DAB1: variants seen among roughly 807,000 people sequenced by gnomAD.
The protein encoded by DAB1 is disabled homolog 1.
A neutral mutation model predicts 64.6 loss-of-function variants in DAB1; 15 were observed. The observed-to-expected ratio is 0.23, with a 90% CI of 0.16 to 0.36. The LOEUF (loss-of-function observed/expected upper bound fraction) is 0.36. Ranked by LOEUF, DAB1 falls within the 10% of genes least tolerant of loss-of-function variation. The pLI is 1.00. For missense variants in DAB1, 596 were observed against 706.7 expected, an observed-to-expected ratio of 0.84 and a Z score of 1.78; for synonymous variants, 235 against 251.9, an observed-to-expected ratio of 0.93 and a Z score of 0.64.
intron 7 of DAB1, among the ~76,000 whole-genome samples, chr1:57,495,706 G>A (rs1366857492): frequency 6.6e-6 from 1 of 152,182 alleles, no homozygotes; most frequent in African/African-American, 2.4e-5. Context: ...AGGAGAGGGA[G>A]ATGATAACCC....
chr1:57,048,109 G>A (rs537436471), intron 9 of DAB1, among the ~76,000 whole-genome samples: 6 of 152,264 alleles, frequency 3.9e-5, no homozygotes, highest in Admixed American at 1.3e-4. Flanking sequence ...TCATTTTACA[G>A]ATGAATACAC....
At chr1:58,074,880 G>A (rs1649543757) in intron 5 of DAB1, among the ~76,000 whole-genome samples, 1 of 152,082 alleles carries the variant, frequency 6.6e-6, no homozygotes, top group Admixed American at 6.6e-5. Flanking sequence ...TATGCTACGT[G>A]CCTGTCATCT....
chr1:58,396,665 A>C (rs1461503961), intron 3 of DAB1, among the ~76,000 whole-genome samples: 1 of 152,132 alleles, frequency 6.6e-6, no homozygotes, highest in Non-Finnish European at 1.5e-5. Context: ...AGAGGGAAGC[A>C]AAGAGAGACA....
At chr1:57,853,736 A>G (rs1284019538) in intron 1 of DAB1, among the ~76,000 whole-genome samples, 1 of 152,218 alleles carries the variant, frequency 6.6e-6, no homozygotes, top group Non-Finnish European at 1.5e-5. Context: ...AAGCAACAAG[A>G]TAATAACCTC....
At chr1:57,819,745 G>A (rs1413934654) in intron 6 of DAB1, among the ~76,000 whole-genome samples, 2 of 152,056 alleles carry the variant, frequency 1.3e-5, no homozygotes, top group African/African-American at 4.8e-5. Flanking sequence ...GAACTGTCAT[G>A]CTGCTTTGAA....
At chr1:57,086,841 C>T (rs1051707204) in intron 4 of DAB1, among the ~76,000 whole-genome samples, 8 of 152,210 alleles carry the variant, frequency 5.3e-5, no homozygotes, top group South Asian at 2.1e-4. Flanking sequence ...TAACACCTGA[C>T]GGTGAAATTG....
chr1:57,574,362 G>A (rs999800231), intron 7 of DAB1, among the ~76,000 whole-genome samples: 6 of 152,152 alleles, frequency 3.9e-5, no homozygotes, highest in African/African-American at 1.4e-4. Context: ...GCAGGCCCTG[G>A]TCAAAGTGGA....
chr1:57,343,442 G>A lies in DAB1; in HGVS notation c.-136-52276C>T, dbSNP rs373684634. Among the ~76,000 whole-genome samples the A allele has an allele frequency of 1.9e-4, 29 of 152,350 alleles. No homozygotes were observed. In the East Asian group the frequency reaches 4.1e-3, roughly 21 times the overall value. On this transcript the variant is annotated intron_variant, in intron 1 of 14. Coordinates refer to ENST00000371236, the MANE Select transcript of DAB1 (RefSeq NM_001365792.1). Reference sequence around the variant, plus strand: ...TGGAGCTGCCTGCCAGTCCCGCACCGTGCGCCCGCACTCCTGAGCCCTTGG... The same window carrying A: ...TGGAGCTGCCTGCCAGTCCCGCACCATGCGCCCGCACTCCTGAGCCCTTGG...
chr1:58,034,856 A>G (rs1339850599), intron 5 of DAB1, among the ~76,000 whole-genome samples: 1 of 152,170 alleles, frequency 6.6e-6, no homozygotes, highest in Non-Finnish European at 1.5e-5. Context: ...TCATTTACTG[A>G]GCATGATGGA....
intron 1 of DAB1, among the ~76,000 whole-genome samples, chr1:57,397,401 T>C (rs1309604941): frequency 6.6e-6 from 1 of 152,234 alleles, no homozygotes; most frequent in Admixed American, 6.5e-5. Context: ...CTATTATTTT[T>C]ATAATTTTTT....
At chr1:58,514,690 C>T (rs894701606) in intron 2 of DAB1, among the ~76,000 whole-genome samples, 3 of 152,120 alleles carry the variant, frequency 2.0e-5, no homozygotes, top group African/African-American at 7.2e-5. Context: ...GGGAGCTGGG[C>T]TCCTACAGCT....
intron 5 of DAB1, among the ~76,000 whole-genome samples, chr1:58,094,585 G>T (rs200560604): frequency 6.6e-6 from 1 of 152,166 alleles, no homozygotes; most frequent in South Asian, 2.1e-4. Flanking sequence ...GAAGTTAAAC[G>T]TAGTATCCTC....
chr1:57,650,772 T>C (rs1412507013), intron 6 of DAB1, among the ~76,000 whole-genome samples: 7 of 152,192 alleles, frequency 4.6e-5, no homozygotes, highest in Non-Finnish European at 8.8e-5. Context: ...TCTCAATTAG[T>C]TGGGGACTCC....
chr1:57,088,273 G>A (rs570592832), intron 4 of DAB1, among the ~76,000 whole-genome samples: 1 of 152,222 alleles, frequency 6.6e-6, no homozygotes, highest in African/African-American at 2.4e-5. Context: ...GTTTCACCAT[G>A]TTGGTCAGGC....
At chr1:58,121,794 C>G (rs1340841681) in intron 5 of DAB1, among the ~76,000 whole-genome samples, 1 of 152,148 alleles carries the variant, frequency 6.6e-6, no homozygotes, top group Admixed American at 6.6e-5. Context: ...AATGTACATG[C>G]ATACATATAT....
chr1:58,253,910 C>A lies in DAB1; in HGVS notation n.309+89442G>T, dbSNP rs547703696. ...CAACTGGACAGGCAGGAATAGTCAT[C>A]CCAGCCCTTCGCAGATACCCTGAGA... On this transcript the variant is annotated intron_variant and non_coding_transcript_variant, in intron 4 of 20. Transcript: ENST00000485760. Among the ~76,000 whole-genome samples, 8 of 152,326 alleles carry A rather than the reference C, an allele frequency of 5.3e-5. No individual in the cohort carries two copies. In the South Asian group the frequency reaches 1.2e-3, roughly 24 times the overall value.
chr1:58,125,908 G>T (rs768533945), intron 5 of DAB1, among the ~76,000 whole-genome samples: 1 of 152,106 alleles, frequency 6.6e-6, no homozygotes, highest in Admixed American at 6.6e-5. Flanking sequence ...CTTTGGGGTG[G>T]AGGGGGTCAG....
intron 1 of DAB1, among the ~76,000 whole-genome samples, chr1:57,399,543 A>G (rs1032348019): frequency 2.6e-5 from 4 of 152,256 alleles, no homozygotes; most frequent in Admixed American, 1.3e-4. Context: ...GAAGAATCCC[A>G]GTAATCTGGA....
Position 57,033,372 on chromosome 1 carries a change from C to T in DAB1, c.724-7329G>A, listed in dbSNP as rs775708324. ...GCAGAACAACCTAATTTAACACAAA[C>T]CTCAAGGCCTTACCTTCGTTGCCTC... On this transcript the variant is annotated intron_variant, in intron 9 of 14. Transcript: ENST00000371236. 3.1e-6 allele frequency: 5 copies of T among 1,612,758 alleles called. No individual in the cohort carries two copies. The South Asian group carries it at 4.4e-5, about 14-fold the overall frequency.
Sources: allele counts gnomAD v4.1 joint callset (sites outside exome capture counted in the v4.1 genomes callset), GRCh38; gene constraint gnomAD v4.1.1; transcripts MANE v1.5; gene names NCBI Gene and HGNC (gene_info 2026-07-23, HGNC 2026-07-21).